ROBO2: variants seen among roughly 807,000 people sequenced by gnomAD.
The protein encoded by ROBO2 is roundabout guidance receptor 2.
ROBO2 carries 53 observed loss-of-function variants against 160.8 expected under a neutral mutation model. The observed-to-expected ratio is 0.33, with a 90% CI of 0.26 to 0.41. The LOEUF (loss-of-function observed/expected upper bound fraction) is 0.41. ROBO2 is among the 10% of genes least tolerant of loss of function. ROBO2 has a pLI of 1.00. For synonymous variants in ROBO2, 664 were observed against 611.7 expected, an observed-to-expected ratio of 1.09 and a Z score of -1.26; for missense variants, 1,577 against 1,722.4, an observed-to-expected ratio of 0.92 and a Z score of 1.49.
At chr3:76,399,071 A>T (rs558143593) in intron 2 of ROBO2, among the ~76,000 whole-genome samples, 1 of 151,866 alleles carries the variant, frequency 6.6e-6, no homozygotes, top group East Asian at 1.9e-4. Flanking sequence ...AATAATATTC[A>T]GTCCATATTA....
At chr3:76,378,397 CA>C (rs546730613) in intron 2 of ROBO2, among the ~76,000 whole-genome samples, 23 of 152,108 alleles carry the variant, frequency 1.5e-4, no homozygotes, top group Non-Finnish European at 3.4e-4. Context: ...TCAACTTACA[CA>C]AAATGTATAG....
chr3:76,050,737 T>G (rs983525513), intron 2 of ROBO2, among the ~76,000 whole-genome samples: 17 of 152,216 alleles, frequency 1.1e-4, no homozygotes, highest in African/African-American at 3.9e-4. Context: ...TTCCAGATCT[T>G]CTTTGCCTTT....
chr3:77,400,952 A>G (rs954079009), intron 2 of ROBO2, among the ~76,000 whole-genome samples: 4 of 152,132 alleles, frequency 2.6e-5, no homozygotes, highest in Non-Finnish European at 5.9e-5. Context: ...AACATTATGC[A>G]TACAATTTTT....
At chr3:76,757,124 T>G (rs1031242224) in intron 2 of ROBO2, among the ~76,000 whole-genome samples, 3 of 151,828 alleles carry the variant, frequency 2.0e-5, no homozygotes, top group Admixed American at 2.0e-4. Context: ...ACCAGCTCAG[T>G]AAGCAAGATA....
chr3:76,726,340 T>TA (rs374387934), intron 2 of ROBO2, among the ~76,000 whole-genome samples: 1 of 151,990 alleles, frequency 6.6e-6, no homozygotes, highest in Non-Finnish European at 1.5e-5. Context: ...TTAGTAGTTC[T>TA]AAAAAAAATT....
intron 2 of ROBO2, among the ~76,000 whole-genome samples, chr3:76,241,144 A>G (rs572023225): frequency 3.9e-5 from 6 of 152,298 alleles, no homozygotes; most frequent in Middle Eastern, 3.4e-3. Flanking sequence ...ATCTGTGATA[A>G]AAGCGTATTT....
At chr3:76,328,323 A>G (rs1306380752) in intron 2 of ROBO2, among the ~76,000 whole-genome samples, 2 of 152,218 alleles carry the variant, frequency 1.3e-5, no homozygotes, top group East Asian at 1.9e-4. Flanking sequence ...AGATATTCCC[A>G]AAAGTATTCA....
rs1023152432 is a variant in ROBO2 at position 77,347,633 on chromosome 3, C to T, written c.389-129781C>T. On this transcript the variant is annotated intron_variant, in intron 2 of 25. Coordinates refer to ENST00000461745, the Ensembl canonical transcript of ROBO2. ...CTATGCAAACTGCCCTTACGACCCA[C>T]GGTGACTTTCACATTACTAATTATG... 2.6e-5 allele frequency among the ~76,000 whole-genome samples: 4 copies of T among 152,050 alleles called. No homozygotes were observed. The South Asian group carries it at 8.3e-4, about 31-fold the overall frequency.
At chr3:76,520,888 T>C (rs1330701769) in intron 2 of ROBO2, among the ~76,000 whole-genome samples, 1 of 152,140 alleles carries the variant, frequency 6.6e-6, no homozygotes, top group Non-Finnish European at 1.5e-5. Flanking sequence ...CTTTCATATC[T>C]GGACTGTACG....
intron 2 of ROBO2, among the ~76,000 whole-genome samples, chr3:76,063,407 A>G (rs1366100709): frequency 6.6e-6 from 1 of 150,586 alleles, no homozygotes; most frequent in Non-Finnish European, 1.5e-5. Context: ...CAGTGGTGCA[A>G]TGAGGGCTCA....
chr3:77,288,151 C>G (rs2060741009), intron 2 of ROBO2, among the ~76,000 whole-genome samples: 1 of 152,104 alleles, frequency 6.6e-6, no homozygotes, highest in Non-Finnish European at 1.5e-5. Context: ...CAAATACAGA[C>G]TGCAAAATTG....
At position 77,574,479 on chromosome 3, in the gene ROBO2, C is replaced by T. The variant is rs1446594711; in HGVS notation, c.1972-20C>T. On this transcript the variant is annotated intron_variant, in intron 13 of 25. Transcript: ENST00000461745. ...AAATACTTTCCTTTAGTTTCAAATG[C>T]CCTTAACTATGTTTTTCAGGTTGAT... is the stretch of plus-strand genomic sequence containing the variant. The T allele has an allele frequency of 6.3e-7, 1 of 1,593,614 alleles. No homozygotes were observed. Among genetic ancestry groups the T allele is most frequent in the Admixed American group, 1.7e-5 (1 of 59,828 alleles).
chr3:76,051,374 G>A (rs571831194), intron 2 of ROBO2, among the ~76,000 whole-genome samples: 1 of 152,166 alleles, frequency 6.6e-6, no homozygotes, highest in South Asian at 2.1e-4. Flanking sequence ...ATCAAGGAAG[G>A]GATAACATCC....
intron 2 of ROBO2, among the ~76,000 whole-genome samples, chr3:76,912,687 AT>A (rs1352145974): frequency 6.6e-6 from 1 of 152,178 alleles, no homozygotes; most frequent in Non-Finnish European, 1.5e-5. Context: ...ATCAGAAACA[AT>A]TTCATAATTG....
chr3:76,787,123 T>C (rs2063033259), intron 2 of ROBO2, among the ~76,000 whole-genome samples: 1 of 151,166 alleles, frequency 6.6e-6, no homozygotes, highest in African/African-American at 2.4e-5. Flanking sequence ...TCCGCTCTCA[T>C]GATCCAGTCA....
Position 76,973,477 on chromosome 3 carries a change from T to C in ROBO2, c.110-124537T>C, listed in dbSNP as rs11923072. Among the ~76,000 whole-genome samples, 842 of 152,154 alleles carry C rather than the reference T, an allele frequency of 5.5e-3. 7 individuals are homozygous for C. Among genetic ancestry groups the C allele is most frequent in the African/African-American group, 0.019 (809 of 41,554 alleles). On this transcript the variant is annotated intron_variant, in intron 2 of 26. Coordinates refer to the ROBO2 transcript ENST00000487694. ...AAGAATATCATAGAAAGAATAATTA[T>C]AATATTCATATCATTATTATTAAAC...
intron 2 of ROBO2, among the ~76,000 whole-genome samples, chr3:76,871,362 G>T (rs951775283): frequency 2.6e-5 from 4 of 151,484 alleles, no homozygotes; most frequent in Admixed American, 2.6e-4. Flanking sequence ...AGACCATCCC[G>T]GCTAAAACGG....
At chr3:76,666,082 A>T (rs1188090886) in intron 2 of ROBO2, among the ~76,000 whole-genome samples, 1 of 146,652 alleles carries the variant, frequency 6.8e-6, no homozygotes, top group Non-Finnish European at 1.5e-5. Flanking sequence ...ACATAAGCAA[A>T]CTCTCCATTT....
At chr3:76,952,524 C>T (rs559397589) in intron 2 of ROBO2, among the ~76,000 whole-genome samples, 70 of 152,116 alleles carry the variant, frequency 4.6e-4, no homozygotes, top group East Asian at 1.7e-3. Context: ...CCTCGTGATC[C>T]GCCTGCCTCG....
Sources: gnomAD v4.1 joint callset for allele counts (sites outside exome capture counted in the v4.1 genomes callset) on GRCh38, gnomAD v4.1.1 for gene constraint, MANE v1.5 for transcripts, NCBI Gene and HGNC (gene_info 2026-07-23, HGNC 2026-07-21) for gene names.